TRMT9B: variants seen among roughly 807,000 people sequenced by gnomAD.
The protein encoded by TRMT9B is tRNA methyltransferase 9B (putative), also known as probable tRNA methyltransferase 9B.
TRMT9B carries 16 observed loss-of-function variants against 11.5 expected under a neutral mutation model. The observed-to-expected ratio is 1.39, with a 90% CI of 0.94 to 2.11. TRMT9B has a LOEUF of 2.11. TRMT9B is among the 30% of genes most tolerant of loss of function. The pLI is 0.00. For missense variants in TRMT9B, 941 were observed against 553.8 expected (o/e 1.70, Z -7.02); for synonymous variants, 274 against 192.4 (o/e 1.42, Z -3.51).
rs945098103 is a variant in TRMT9B at position 12,948,549 on chromosome 8, G to C, written c.-200+2583G>C. On this transcript the variant is annotated intron_variant, in intron 1 of 4. Transcript: ENST00000524591. ...TTCATATTGCATATATATTTACATTGCATATGAATATATAATATATAAGTA... is the reference window on the plus strand; with the variant it reads ...TTCATATTGCATATATATTTACATTCCATATGAATATATAATATATAAGTA... 2.3e-4 allele frequency among the ~76,000 whole-genome samples: 34 copies of C among 147,656 alleles called. 1 individual carries two copies. Among genetic ancestry groups the C allele is most frequent in the African/African-American group, 7.9e-4 (32 of 40,578 alleles).
At chr8:12,967,544 C>T (rs1478823824) in intron 1 of TRMT9B, among the ~76,000 whole-genome samples, 1 of 152,174 alleles carries the variant, frequency 6.6e-6, no homozygotes, top group Non-Finnish European at 1.5e-5. Flanking sequence ...CAACTCAGAC[C>T]CTCTTCAATT....
chr8:12,987,459 G>C (rs1245117509), intron 1 of TRMT9B, among the ~76,000 whole-genome samples: 1 of 152,178 alleles, frequency 6.6e-6, no homozygotes. Flanking sequence ...AGGAGGCCAA[G>C]GCAGGAGGAC....
At chr8:12,948,364 T>A (rs1448534534) in intron 1 of TRMT9B, among the ~76,000 whole-genome samples, 1 of 150,242 alleles carries the variant, frequency 6.7e-6, no homozygotes, top group East Asian at 1.9e-4. Context: ...ATCATAAAGT[T>A]GAAAAATTGT....
intron 1 of TRMT9B, among the ~76,000 whole-genome samples, chr8:12,968,035 C>A (rs1381790442): frequency 6.6e-6 from 1 of 152,204 alleles, no homozygotes; most frequent in Non-Finnish European, 1.5e-5. Flanking sequence ...CAGGCACACA[C>A]CACCACACCC....
intron 4 of TRMT9B, among the ~76,000 whole-genome samples, chr8:13,016,317 A>G (rs1812693408): frequency 6.8e-6 from 1 of 146,160 alleles, no homozygotes; most frequent in Non-Finnish European, 1.5e-5. Flanking sequence ...GAGGCATAAG[A>G]GAGATAGTCT....
At chr8:12,978,062 T>C (rs1208656542) in intron 1 of TRMT9B, among the ~76,000 whole-genome samples, 1 of 152,006 alleles carries the variant, frequency 6.6e-6, no homozygotes, top group Non-Finnish European at 1.5e-5. Context: ...GGAGTCTTAA[T>C]TAGGGAAAAG....
intron 1 of TRMT9B, among the ~76,000 whole-genome samples, chr8:12,964,850 C>G (rs1802607881): frequency 6.6e-6 from 1 of 152,094 alleles, no homozygotes; most frequent in African/African-American, 2.4e-5. Context: ...GTTCGGCCTC[C>G]CAAAGTGCTG....
intron 2 of TRMT9B, among the ~76,000 whole-genome samples, chr8:12,998,271 C>A (rs1808734487): frequency 6.6e-6 from 1 of 151,934 alleles, no homozygotes; most frequent in African/African-American, 2.4e-5. Flanking sequence ...TTTATATGAC[C>A]CTTTGTAAGA....
chr8:12,960,578 T>C (rs2946498), intron 1 of TRMT9B: 1 of 152,020 alleles, frequency 6.6e-6, no homozygotes, highest in Non-Finnish European at 1.5e-5. Context: ...AATAGGTGAA[T>C]GGATAAACAA....
At position 13,029,138 on chromosome 8, in the gene TRMT9B, T is replaced by A. The variant is rs1352233525; in HGVS notation, c.*7094T>A. The A allele has an allele frequency of 1.8e-5, 3 of 167,052 alleles. No individual in the cohort carries two copies. The allele number at this position is 167,052 out of a possible 1,614,324, so 10.3% of individuals were successfully genotyped here. On this transcript the variant is annotated 3_prime_UTR_variant, in exon 5 of 5. Coordinates refer to ENST00000524591, the MANE Select transcript of TRMT9B (RefSeq NM_020844.3). ...GTTCTTTTGTGCACGCGTGAATACA[T>A]CAAATTAGCAATTACCATAGAAATG...
chr8:12,956,768 T>C (rs1320923144), intron 1 of TRMT9B, among the ~76,000 whole-genome samples: 1 of 152,248 alleles, frequency 6.6e-6, no homozygotes, highest in African/African-American at 2.4e-5. Flanking sequence ...ATGACTTGTT[T>C]ATTGGAGAAT....
intron 3 of TRMT9B, chr8:13,012,343 G>T: frequency 1.1e-6 from 1 of 888,362 alleles, no homozygotes; most frequent in Non-Finnish European, 1.4e-6. Context: ...TTGGGAGGCC[G>T]AGGCAGGCGG....
chr8:12,973,643 G>C (rs527674346), intron 1 of TRMT9B, among the ~76,000 whole-genome samples: 5 of 150,546 alleles, frequency 3.3e-5, no homozygotes, highest in Non-Finnish European at 7.4e-5. Flanking sequence ...GAAACATGTT[G>C]GAGGTGTAGG....
At chr8:12,993,154 A>AAGTGGACTGGACC (rs1807680023) in intron 2 of TRMT9B, among the ~76,000 whole-genome samples, 3 of 152,224 alleles carry the variant, frequency 2.0e-5, no homozygotes. Flanking sequence ...TAAGACTGCA[A>AAGTGGACTGGACC]AGTGGACTGG....
intron 1 of TRMT9B, among the ~76,000 whole-genome samples, chr8:12,971,718 AAG>A (rs759738426): frequency 6.3e-4 from 96 of 152,324 alleles, no homozygotes; most frequent in Non-Finnish European, 1.0e-3. Context: ...ATTTCAGAAA[AAG>A]AGAGTTCAGC....
chr8:13,019,542 C>T (rs574429772), intron 4 of TRMT9B, among the ~76,000 whole-genome samples: 1 of 152,202 alleles, frequency 6.6e-6, no homozygotes, highest in African/African-American at 2.4e-5. Flanking sequence ...GTTCCGCCCA[C>T]CTCAGCCTCC....
rs569943493 is a variant in TRMT9B, at chr8:12,977,549, A to C, written c.-199-13285A>C. On this transcript the variant is annotated intron_variant, in intron 1 of 4. Coordinates refer to ENST00000524591, the MANE Select transcript of TRMT9B (RefSeq NM_020844.3). ...AACCCCATCTCTACTAAAAATACAA[A>C]AATTAGCTGGGCGTGGTGGCACATG... 5.9e-5 allele frequency among the ~76,000 whole-genome samples: 9 copies of C among 152,118 alleles called. No individual in the cohort carries two copies. In the East Asian group the frequency reaches 1.5e-3, roughly 26 times the overall value.
Position 13,026,876 on chromosome 8 carries a change from G to A in TRMT9B, c.*4832G>A, listed in dbSNP as rs990972187. The A allele has an allele frequency of 6.0e-6, 1 of 167,018 alleles. No individual in the cohort carries two copies. Among genetic ancestry groups the A allele is most frequent in the Non-Finnish European group, 1.5e-5 (1 of 68,122 alleles). The allele number at this position is 167,018 out of a possible 1,614,324, so 10.3% of individuals were successfully genotyped here. A position where few individuals can be genotyped will look rare whatever the true frequency, so the allele number is the denominator to read the frequency against. On this transcript the variant is annotated 3_prime_UTR_variant, in exon 5 of 5. Coordinates refer to ENST00000524591, the MANE Select transcript of TRMT9B (RefSeq NM_020844.3). ...GTGTGATTATCCCCTTTCCAAATGAGCTTTGGAAAAGTTTAAGCAAAGATT... is the reference window on the plus strand; with the variant it reads ...GTGTGATTATCCCCTTTCCAAATGAACTTTGGAAAAGTTTAAGCAAAGATT...
chr8:12,990,861 CAA>C lies in TRMT9B; in HGVS notation c.-171_-170del. The C allele has an allele frequency of 1.6e-6, 2 of 1,289,590 alleles. No homozygotes were observed. Among genetic ancestry groups the C allele is most frequent in the Non-Finnish European group, 2.0e-6 (2 of 988,578 alleles). 79.9% of individuals were successfully genotyped at this position (1,289,590 alleles called of 1,614,324 possible). A position where few individuals can be genotyped will look rare whatever the true frequency, so the allele number is the denominator to read the frequency against. On this transcript the variant is annotated 5_prime_UTR_variant, in exon 2 of 5. An upstream open reading frame in the 5' UTR loses its in-frame stop. Transcript: ENST00000524591. The stretch of plus-strand genomic sequence containing the variant: ...CCTGTGCTTCCTTCAGAGACTCACA[CAA>C]GAGGTTTATCATGAGAAGGACCGCA...
Sources: gnomAD v4.1 joint callset for allele counts (sites outside exome capture counted in the v4.1 genomes callset) on GRCh38, gnomAD v4.1.1 for gene constraint, MANE v1.5 for transcripts, NCBI Gene and HGNC (gene_info 2026-07-23, HGNC 2026-07-21) for gene names.